The following AK5 variants were observed in gnomAD, a reference collection of about 807,000 sequenced individuals.
AK5 encodes the protein adenylate kinase isoenzyme 5.
In AK5, 27 loss-of-function variants were observed where a neutral mutation model predicts 69.5. That is an observed-to-expected ratio of 0.39 (90% CI 0.29 to 0.54). AK5 has a LOEUF of 0.54. Ranked by LOEUF, AK5 falls within the 20% of genes least tolerant of loss-of-function variation. The pLI is 0.71. For synonymous variants in AK5, 260 were observed against 244.4 expected (o/e 1.06, Z -0.60); for missense variants, 531 against 700.4 (o/e 0.76, Z 2.73).
At chr1:77,368,243 A>ATATATGT (rs1647042886) in intron 6 of AK5, among the ~76,000 whole-genome samples, 2 of 17,664 alleles carry the variant, frequency 1.1e-4, no homozygotes, top group Non-Finnish European at 2.7e-4. Flanking sequence ...ATATATATAT[A>ATATATGT]TATATATATA....
At chr1:77,504,902 C>T (rs1368360380) in intron 10 of AK5, among the ~76,000 whole-genome samples, 1 of 152,162 alleles carries the variant, frequency 6.6e-6, no homozygotes, top group African/African-American at 2.4e-5. Context: ...TCAGTTTATA[C>T]CTATGATTGT....
rs559253203 is a variant in AK5 at position 77,455,390 on chromosome 1, C to T, written c.1060-27927C>T. ...CAGCTTGCCCCAGCAAGCTGCCTTG[C>T]CCATCCCACCATGAGAAGGAATTCC... On this transcript the variant is annotated intron_variant, in intron 8 of 13. Coordinates refer to ENST00000354567, the MANE Select transcript of AK5 (RefSeq NM_174858.3). 6.1e-4 allele frequency among the ~76,000 whole-genome samples: 93 copies of T among 152,290 alleles called. 4 individuals are homozygous for T. The South Asian group carries it at 0.018, about 30-fold the overall frequency.
intron 5 of AK5, among the ~76,000 whole-genome samples, chr1:77,315,593 G>C (rs1435068021): frequency 6.6e-6 from 1 of 151,994 alleles, no homozygotes; most frequent in Non-Finnish European, 1.5e-5. Context: ...GGATTCAAAG[G>C]TTTGATTAAA....
chr1:77,344,717 C>T (rs889144542), intron 6 of AK5, among the ~76,000 whole-genome samples: 9 of 151,868 alleles, frequency 5.9e-5, no homozygotes, highest in African/African-American at 1.9e-4. Context: ...CAATCAGTCT[C>T]ACCAAGTTGG....
At chr1:77,431,303 G>A (rs958954641) in intron 8 of AK5, among the ~76,000 whole-genome samples, 5 of 152,148 alleles carry the variant, frequency 3.3e-5, no homozygotes, top group East Asian at 1.9e-4. Flanking sequence ...TTATTTTGAC[G>A]AATCAATCAT....
At chr1:77,482,352 T>G (rs1410395091) in intron 8 of AK5, among the ~76,000 whole-genome samples, 1 of 152,224 alleles carries the variant, frequency 6.6e-6, no homozygotes, top group Non-Finnish European at 1.5e-5. Flanking sequence ...CCATAAGGAA[T>G]AGAGCATCTG....
intron 13 of AK5, 136 bp from the exon 14 acceptor site, chr1:77,558,466 T>TC (rs1660241024): frequency 1.9e-6 from 1 of 539,870 alleles, no homozygotes; most frequent in Non-Finnish European, 3.3e-6. Flanking sequence ...TTCACTTTTT[T>TC]CTCTGTGTTT....
chr1:77,313,607 A>G (rs992222405), intron 5 of AK5, among the ~76,000 whole-genome samples: 1 of 151,624 alleles, frequency 6.6e-6, no homozygotes, highest in Admixed American at 6.6e-5. Flanking sequence ...TCTCCTTTCC[A>G]TCACCAACCT....
intron 13 of AK5, among the ~76,000 whole-genome samples, chr1:77,552,036 G>A (rs1415752559): frequency 6.6e-6 from 1 of 152,072 alleles, no homozygotes; most frequent in Admixed American, 6.5e-5. Flanking sequence ...GTAAAACCCA[G>A]TTTTAGCAAA....
chr1:77,401,130 T>C (rs1277893367), intron 6 of AK5, among the ~76,000 whole-genome samples: 1 of 152,168 alleles, frequency 6.6e-6, no homozygotes, highest in East Asian at 1.9e-4. Context: ...AATATGGTTC[T>C]GCAAAGTAGT....
intron 10 of AK5, among the ~76,000 whole-genome samples, chr1:77,511,863 G>C (rs1268042563): frequency 1.3e-5 from 2 of 152,226 alleles, no homozygotes; most frequent in Admixed American, 6.5e-5. Context: ...GGAGCTCAAA[G>C]GGAATGGGCC....
intron 11 of AK5, among the ~76,000 whole-genome samples, chr1:77,521,479 A>G (rs1247143779): frequency 6.6e-6 from 1 of 152,170 alleles, no homozygotes; most frequent in Non-Finnish European, 1.5e-5. Flanking sequence ...TTAAATTGCC[A>G]TTATGCCTAA....
chr1:77,397,208 A>T (rs562977330), intron 6 of AK5, among the ~76,000 whole-genome samples: 102 of 152,206 alleles, frequency 6.7e-4, no homozygotes, highest in Non-Finnish European at 1.2e-3. Flanking sequence ...TCTCCCTGGT[A>T]TGCCCTTCCT....
intron 12 of AK5, among the ~76,000 whole-genome samples, chr1:77,533,681 G>A (rs1658797454): frequency 1.3e-5 from 2 of 152,028 alleles, no homozygotes; most frequent in Non-Finnish European, 2.9e-5. Flanking sequence ...GCTTATTTTG[G>A]TCTAAAAGGT....
intron 6 of AK5, among the ~76,000 whole-genome samples, chr1:77,368,245 A>AT (rs1553140332): frequency 0.35 from 23,818 of 67,898 alleles, 5,478 homozygotes; most frequent in Middle Eastern, 0.51. Flanking sequence ...ATATATATAT[A>AT]TATATATAAT....
chr1:77,424,496 T>C (rs1651058969), intron 8 of AK5, among the ~76,000 whole-genome samples: 1 of 152,184 alleles, frequency 6.6e-6, no homozygotes, highest in Non-Finnish European at 1.5e-5. Flanking sequence ...CTATGATTAA[T>C]ATGCCAAGGA....
At chr1:77,558,031 T>G (rs1431049354) in intron 13 of AK5, among the ~76,000 whole-genome samples, 1 of 151,886 alleles carries the variant, frequency 6.6e-6, no homozygotes, top group Non-Finnish European at 1.5e-5. Context: ...CTGAGTAATA[T>G]ATATTTAAGT....
chr1:77,401,878 G>T (rs919546932), intron 6 of AK5, among the ~76,000 whole-genome samples: 1 of 152,170 alleles, frequency 6.6e-6, no homozygotes, highest in African/African-American at 2.4e-5. Context: ...TGTTGTGAAT[G>T]AACTAGGGAA....
intron 12 of AK5, among the ~76,000 whole-genome samples, chr1:77,533,786 A>G (rs2647486): frequency 0.68 from 103,983 of 151,820 alleles, 36,233 homozygotes; most frequent in Admixed American, 0.76. Flanking sequence ...GCCTGAAAAT[A>G]ACCCCACAAT....
Sources: allele counts gnomAD v4.1 joint callset (sites outside exome capture counted in the v4.1 genomes callset), GRCh38; gene constraint gnomAD v4.1.1; transcripts MANE v1.5; gene names NCBI Gene and HGNC (gene_info 2026-07-23, HGNC 2026-07-21).